The following KCND2 variants were observed in gnomAD, a reference collection of about 807,000 sequenced individuals.
KCND2 encodes the protein A-type voltage-gated potassium channel KCND2.
In KCND2, 16 loss-of-function variants were observed where a neutral mutation model predicts 54.4. That is an observed-to-expected ratio of 0.29 (90% CI 0.20 to 0.45). KCND2 has a LOEUF of 0.45. Ranked by LOEUF, KCND2 falls within the 20% of genes least tolerant of loss-of-function variation. KCND2 has a pLI of 1.00. For missense variants in KCND2, 486 were observed against 824.2 expected, an observed-to-expected ratio of 0.59 and a Z score of 5.02; for synonymous variants, 317 against 310.7, an observed-to-expected ratio of 1.02 and a Z score of -0.21.
At chr7:120,740,442 G>A (rs1418405843) in intron 2 of KCND2, among the ~76,000 whole-genome samples, 1 of 152,044 alleles carries the variant, frequency 6.6e-6, no homozygotes, top group East Asian at 1.9e-4. Flanking sequence ...TAAGCCTACA[G>A]GAAACTTATC....
chr7:120,530,898 C>T lies in KCND2; in HGVS notation c.1116-202005C>T, dbSNP rs79534615. On this transcript the variant is annotated intron_variant, in intron 1 of 5. Transcript: ENST00000331113. ...AACCTCACTTACTGCCCTTTTACATCGCTCAGGTTACACGATTCATCATTA... is the reference window on the plus strand; with the variant it reads ...AACCTCACTTACTGCCCTTTTACATTGCTCAGGTTACACGATTCATCATTA... Among the ~76,000 whole-genome samples, 23 of 152,166 alleles carry T rather than the reference C, an allele frequency of 1.5e-4. No individual in the cohort carries two copies. The East Asian group carries it at 3.9e-3, about 26-fold the overall frequency.
chr7:120,731,696 G>A (rs1229693230), intron 1 of KCND2, among the ~76,000 whole-genome samples: 1 of 152,178 alleles, frequency 6.6e-6, no homozygotes, highest in Non-Finnish European at 1.5e-5. Flanking sequence ...AGGAGAGTCA[G>A]GTAAGAAGCT....
chr7:120,741,673 T>C (rs1371081293), intron 3 of KCND2, 44 bp downstream of exon 3: 2 of 1,329,048 alleles, frequency 1.5e-6, no homozygotes, highest in South Asian at 1.2e-5. Context: ...AATTTCTTGG[T>C]TTAATATTGA....
intron 1 of KCND2, among the ~76,000 whole-genome samples, chr7:120,629,695 A>C (rs188750569): frequency 2.0e-5 from 3 of 152,216 alleles, no homozygotes. Flanking sequence ...AAGTGTGAGC[A>C]GTATTGGCTG....
At position 120,583,011 on chromosome 7, in the gene KCND2, G is replaced by C. The variant is rs111568728; in HGVS notation, c.1116-149892G>C. On this transcript the variant is annotated intron_variant, in intron 1 of 5. Transcript: ENST00000331113. ...TATGTGCACATATCTTGTTTCCTCA[G>C]CTTCCCTATCAGCTCCTGAAGGACA... is the stretch of plus-strand genomic sequence containing the variant. Among the ~76,000 whole-genome samples the C allele has an allele frequency of 7.4e-3, 1,115 of 151,370 alleles. 15 individuals carry two copies. Among genetic ancestry groups the C allele is most frequent in the African/African-American group, 0.026 (1,056 of 41,242 alleles).
In KCND2 at chr7:120,398,961, A is replaced by C. The variant is rs1801200598; in HGVS notation, c.1115+123214A>C. 2.0e-5 allele frequency among the ~76,000 whole-genome samples: 3 copies of C among 152,086 alleles called. No homozygotes were observed. In the South Asian group the frequency reaches 6.2e-4, roughly 32 times the overall value. On this transcript the variant is annotated intron_variant, in intron 1 of 5. Transcript: ENST00000331113. The stretch of plus-strand genomic sequence containing the variant: ...AACCAACCAGCTTGTTACGCTGCCC[A>C]GTTCTCTCCCCTCCATAAAGCCTTT...
At chr7:120,408,192 G>A (rs1384927541) in intron 1 of KCND2, among the ~76,000 whole-genome samples, 4 of 151,864 alleles carry the variant, frequency 2.6e-5, no homozygotes, top group Admixed American at 6.6e-5. Flanking sequence ...TTTGTAGCTC[G>A]AAATACTAAA....
At chr7:120,646,960 T>C (rs1354717785) in intron 1 of KCND2, among the ~76,000 whole-genome samples, 3 of 152,206 alleles carry the variant, frequency 2.0e-5, no homozygotes, top group Non-Finnish European at 4.4e-5. Context: ...GGATCCATTT[T>C]TCGGATATGC....
Position 120,339,572 on chromosome 7 carries a change from G to A in KCND2, c.1115+63825G>A, listed in dbSNP as rs567936368. ...GTGTGTCCAGGTGAGTAGGATATAA[G>A]TTTGAGCAAGCTTATGCTTCACTAT... On this transcript the variant is annotated intron_variant, in intron 1 of 5. Transcript: ENST00000331113. 1.8e-4 allele frequency among the ~76,000 whole-genome samples: 28 copies of A among 151,980 alleles called. No individual in the cohort carries two copies. The East Asian group carries it at 3.7e-3, about 20-fold the overall frequency.
chr7:120,679,000 A>T (rs1165074765), intron 1 of KCND2, among the ~76,000 whole-genome samples: 2 of 151,720 alleles, frequency 1.3e-5, no homozygotes, highest in African/African-American at 2.4e-5. Flanking sequence ...AATGTGGTAC[A>T]GAATATATAC....
chr7:120,383,379 ATTAC>A (rs1455701727), intron 1 of KCND2, among the ~76,000 whole-genome samples: 1 of 152,004 alleles, frequency 6.6e-6, no homozygotes, highest in Non-Finnish European at 1.5e-5. Flanking sequence ...ATTTGAACAA[ATTAC>A]TTAAGAAACA....
At chr7:120,300,014 G>T (rs1294456805) in intron 1 of KCND2, among the ~76,000 whole-genome samples, 2 of 152,142 alleles carry the variant, frequency 1.3e-5, no homozygotes, top group African/African-American at 4.8e-5. Flanking sequence ...TATAGCCAGA[G>T]CTCTGCCAAT....
chr7:120,386,816 G>A (rs1179740473), intron 1 of KCND2, among the ~76,000 whole-genome samples: 1 of 152,054 alleles, frequency 6.6e-6, no homozygotes, highest in East Asian at 1.9e-4. Flanking sequence ...TGAAAGAAAT[G>A]GAGGGGAAAA....
intron 1 of KCND2, among the ~76,000 whole-genome samples, chr7:120,409,980 A>G (rs1161547230): frequency 1.3e-5 from 2 of 151,878 alleles, no homozygotes; most frequent in Non-Finnish European, 2.9e-5. Context: ...AGTCACATAA[A>G]TCTATGTTTT....
At chr7:120,734,500 G>A (rs1792847283) in intron 2 of KCND2, among the ~76,000 whole-genome samples, 1 of 152,094 alleles carries the variant, frequency 6.6e-6, no homozygotes, top group Non-Finnish European at 1.5e-5. Context: ...TTCCATCCAA[G>A]CCATTCTGGC....
At chr7:120,366,834 G>A (rs964843371) in intron 1 of KCND2, among the ~76,000 whole-genome samples, 2 of 152,090 alleles carry the variant, frequency 1.3e-5, no homozygotes, top group African/African-American at 4.8e-5. Context: ...GTGACCTTGG[G>A]TGTAATACCA....
In KCND2 at chr7:120,713,821, G is replaced by C. The variant is rs140939038; in HGVS notation, c.1116-19082G>C. Among the ~76,000 whole-genome samples, 521 of 152,256 alleles carry C rather than the reference G, an allele frequency of 3.4e-3. 2 individuals carry two copies. The highest frequency in any genetic ancestry group is 0.011 in the African/African-American group (477 of 41,572). ...TTATGTGAGTTAGTCTTAAATGTGA[G>C]GGTATGGATTTTGGAAATTCTGGAT... is the stretch of plus-strand genomic sequence containing the variant. On this transcript the variant is annotated intron_variant, in intron 1 of 5. Coordinates refer to ENST00000331113, the MANE Select transcript of KCND2 (RefSeq NM_012281.3).
chr7:120,638,973 A>T (rs1159845522), intron 1 of KCND2, among the ~76,000 whole-genome samples: 1 of 152,168 alleles, frequency 6.6e-6, no homozygotes, highest in East Asian at 1.9e-4. Context: ...TCACTTTACC[A>T]AATTCCTCTT....
intron 1 of KCND2, among the ~76,000 whole-genome samples, chr7:120,292,608 A>T (rs1177692039): frequency 6.6e-6 from 1 of 151,890 alleles, no homozygotes; most frequent in Non-Finnish European, 1.5e-5. Flanking sequence ...CTTTTCAAAG[A>T]TTCTGTGTAA....
Sources: allele counts gnomAD v4.1 joint callset (sites outside exome capture counted in the v4.1 genomes callset), GRCh38; gene constraint gnomAD v4.1.1; transcripts MANE v1.5; gene names NCBI Gene and HGNC (gene_info 2026-07-23, HGNC 2026-07-21).